TMEM106A: variants seen among roughly 807,000 people sequenced by gnomAD.
TMEM106A encodes the protein transmembrane protein 106A.
In TMEM106A, 22 loss-of-function variants were observed where a neutral mutation model predicts 25.1. The observed-to-expected ratio is 0.88, with a 90% CI of 0.63 to 1.25. The LOEUF (loss-of-function observed/expected upper bound fraction) is 1.25, where lower values mean the gene tolerates loss of function less well. Among genes scored for constraint, TMEM106A ranks in the 50% most tolerant of loss-of-function variants. The probability of loss-of-function intolerance (pLI) is 0.00; values close to 1 mark genes in which losing one functional copy is unlikely to be tolerated. For synonymous variants in TMEM106A, 104 were observed against 129.9 expected (o/e 0.80, Z 1.35); for missense variants, 275 against 318.1 (o/e 0.86, Z 1.03).
chr17:43,212,610 C>T (rs2057443623), intron 2 of TMEM106A, among the ~76,000 whole-genome samples: 1 of 152,180 alleles, frequency 6.6e-6, no homozygotes, highest in East Asian at 1.9e-4. Context: ...CTTAACCACA[C>T]CTGTGACCAG....
rs2057449437 is a variant in TMEM106A, at chr17:43,213,028, C to T, written c.-14C>T. On this transcript the variant is annotated 5_prime_UTR_variant, in exon 3 of 9. Coordinates refer to ENST00000612339, the MANE Select transcript of TMEM106A (RefSeq NM_145041.4). ...TTGGTCTTTTCTCATTAGTGAAACCCCCGCCCCTGAAGAATGGGTAAGACG... is the reference window on the plus strand; with the variant it reads ...TTGGTCTTTTCTCATTAGTGAAACCTCCGCCCCTGAAGAATGGGTAAGACG... 6.2e-7 allele frequency: 1 copy of T among 1,613,928 alleles called. No homozygotes were observed. Among genetic ancestry groups the T allele is most frequent in the South Asian group, 1.1e-5 (1 of 91,062 alleles).
chr17:43,216,094 C>A, intron 5 of TMEM106A, 153 bp downstream of exon 5: 1 of 927,378 alleles, frequency 1.1e-6, no homozygotes, highest in Non-Finnish European at 1.6e-6. Flanking sequence ...CAACCATGAG[C>A]TCCATGACAG....
intron 4 of TMEM106A, among the ~76,000 whole-genome samples, chr17:43,214,500 T>C (rs977902668): frequency 6.6e-6 from 1 of 152,234 alleles, no homozygotes; most frequent in Non-Finnish European, 1.5e-5. Flanking sequence ...AAACCTATTG[T>C]CCGCTGTTCT....
At chr17:43,215,473 C>T (rs2057476349) in intron 4 of TMEM106A, among the ~76,000 whole-genome samples, 1 of 152,016 alleles carries the variant, frequency 6.6e-6, no homozygotes, top group South Asian at 2.1e-4. Context: ...ATATATTAGC[C>T]GATAACAAAT....
Position 43,216,599 on chromosome 17 carries a change from C to T in TMEM106A, c.570+10C>T, listed in dbSNP as rs2057488663. ...TTTGGCCAGTGAACAGGTGACTCCC[C>T]TCTCCCTGGCCAGCCCTGCCCACTG... is the stretch of plus-strand genomic sequence containing the variant. On this transcript the variant is annotated intron_variant, in intron 6 of 8. Transcript: ENST00000612339. 4.3e-6 allele frequency: 7 copies of T among 1,614,158 alleles called. No individual in the cohort carries two copies. The highest frequency in any genetic ancestry group is 5.9e-6 in the Non-Finnish European group (7 of 1,179,980).
rs1234013909 is a variant in TMEM106A, at chr17:43,217,907, C to T, written c.*106C>T. ...TACAGAGGCTTTGCCAAAGGAGAAG[C>T]CCTGCCTCATCACACCCTTACCTCC... On this transcript the variant is annotated 3_prime_UTR_variant, in exon 9 of 9. Transcript: ENST00000612339. 1 of 1,540,624 alleles carries T rather than the reference C, an allele frequency of 6.5e-7. No individual in the cohort carries two copies. Among genetic ancestry groups the T allele is most frequent in the Non-Finnish European group, 8.8e-7 (1 of 1,136,874 alleles).
chr17:43,214,237 A>G (rs1024365808), intron 4 of TMEM106A, among the ~76,000 whole-genome samples: 3 of 151,682 alleles, frequency 2.0e-5, no homozygotes, highest in African/African-American at 7.3e-5. Flanking sequence ...GAAAGAAAGA[A>G]AAAAGCAGCA....
At chr17:43,217,646 C>A (rs1415564149) in intron 8 of TMEM106A, 35 bp from the exon 9 acceptor site, 1 of 1,613,126 alleles carries the variant, frequency 6.2e-7, no homozygotes, top group East Asian at 2.2e-5. Context: ...TCCTTTTCCT[C>A]CCAGCCATGG....
intron 4 of TMEM106A, among the ~76,000 whole-genome samples, chr17:43,214,780 C>T (rs909503967): frequency 2.0e-5 from 3 of 151,694 alleles, no homozygotes; most frequent in Non-Finnish European, 2.9e-5. Flanking sequence ...GCCAACATGG[C>T]GAAACCCTGT....
Position 43,215,961 on chromosome 17 carries a change from T to C in TMEM106A, c.429+20T>C, listed in dbSNP as rs1598032640. 7 of 1,613,446 alleles carry C rather than the reference T, an allele frequency of 4.3e-6. No individual in the cohort carries two copies. The East Asian group carries it at 1.6e-4, about 36-fold the overall frequency. On this transcript the variant is annotated intron_variant, in intron 5 of 8. Transcript: ENST00000612339. ...ATAACGGTGGGTGGGTGCCCTTGGC[T>C]CCAAACCCCCCTTCCTAGCAATACT...
chr17:43,217,179 T>G, intron 7 of TMEM106A, 80 bp from the exon 8 acceptor site: 1 of 1,444,282 alleles, frequency 6.9e-7, no homozygotes, highest in African/African-American at 1.4e-5. Flanking sequence ...GTAAGGAAAC[T>G]GGGACCTGCA....
Position 43,215,919 on chromosome 17 carries a change from C to A in TMEM106A, c.407C>A (p.Ala136Asp). ...TCCTCCACAGTGGCCTTTGATGAGG[C>A]TGATATCTACCTCAACATAACGGTG... ...LNSSTVAFDE[A>D]DIYLNITNIL... Residue 136 changes from alanine to aspartate, a missense_variant, in exon 5 of 9, where the codon GCT (alanine) becomes GAT (aspartate). Coordinates refer to ENST00000612339, the MANE Select transcript of TMEM106A (RefSeq NM_145041.4). 1.9e-6 allele frequency: 3 copies of A among 1,614,138 alleles called. No individual in the cohort carries two copies. Among genetic ancestry groups the A allele is most frequent in the East Asian group, 4.5e-5 (2 of 44,880 alleles).
intron 4 of TMEM106A, among the ~76,000 whole-genome samples, chr17:43,214,427 TC>T (rs2057466286): frequency 2.0e-5 from 3 of 152,306 alleles, no homozygotes; most frequent in Middle Eastern, 6.8e-3. Context: ...ATGTTATTTT[TC>T]TTAAGCACCT....
At chr17:43,215,144 G>A (rs1007532341) in intron 4 of TMEM106A, among the ~76,000 whole-genome samples, 1 of 152,032 alleles carries the variant, frequency 6.6e-6, no homozygotes, top group African/African-American at 2.4e-5. Flanking sequence ...TCAGGAGGCT[G>A]AGGCAGGAGA....
rs773007719 is a variant in TMEM106A, at chr17:43,216,740, A to G, written c.614A>G (p.Tyr205Cys). ...VATKIRDENT[Y>C]KICTWLEIKV... ...ACCAAGATACGGGATGAAAACACAT[A>G]GTGAGTACCCCTTGATCTCTTCTCC... Residue 205 changes from tyrosine to cysteine, a missense_variant and splice_region_variant, in exon 7 of 9, where the codon TAC becomes TGC. Coordinates refer to ENST00000612339, the MANE Select transcript of TMEM106A (RefSeq NM_145041.4). The G allele has an allele frequency of 6.2e-6, 10 of 1,614,076 alleles. No homozygotes were observed. In the East Asian group the frequency reaches 2.2e-4, roughly 36 times the overall value.
Position 43,217,265 on chromosome 17 carries a change from C to G in TMEM106A, c.621C>G (p.Ile207Met). 6.2e-7 allele frequency: 1 copy of G among 1,614,228 alleles called. No homozygotes were observed. Among genetic ancestry groups the G allele is most frequent in the Non-Finnish European group, 8.5e-7 (1 of 1,180,034 alleles). ...TKIRDENTYK[I>M]CTWLEIKVHH... Reference sequence around the variant, plus strand: ...CTCTTTTCTTCTCTCTCAGCAAAATCTGTACCTGGCTGGAAATCAAAGTCC... The same window carrying G: ...CTCTTTTCTTCTCTCTCAGCAAAATGTGTACCTGGCTGGAAATCAAAGTCC... Residue 207 changes from isoleucine to methionine, a missense_variant, in exon 8 of 9, where the codon ATC becomes ATG. Transcript: ENST00000612339.
At position 43,218,657 on chromosome 17, in the gene TMEM106A, T is replaced by G. The variant is rs1270932460; in HGVS notation, c.*856T>G. On this transcript the variant is annotated 3_prime_UTR_variant, in exon 9 of 9. Transcript: ENST00000612339. Reference sequence around the variant, plus strand: ...GCCTGGGCAAAAGAGCAAAACTTTGTCTCAAAAAAAGACTCTTTTCAAGTT... The same window carrying G: ...GCCTGGGCAAAAGAGCAAAACTTTGGCTCAAAAAAAGACTCTTTTCAAGTT... 2.0e-5 allele frequency: 3 copies of G among 152,156 alleles called. No individual in the cohort carries two copies. Among genetic ancestry groups the G allele is most frequent in the Non-Finnish European group, 4.4e-5 (3 of 68,014 alleles). 9.4% of individuals were successfully genotyped at this position (152,156 alleles called of 1,614,324 possible).
rs745702971 is a variant in TMEM106A, at chr17:43,213,256, A to AGTG, written c.211+6_211+8dup. ...GGCAGTGGCAAGATTCCCCAAGGTGAGTGGCCCAAGGCTCTGGAAATAGCC... is the reference window on the plus strand; with the variant it reads ...GGCAGTGGCAAGATTCCCCAAGGTGAGTGGTGGCCCAAGGCTCTGGAAATAGCC... On this transcript the variant is annotated splice_donor_region_variant and intron_variant, in intron 3 of 8. Coordinates refer to ENST00000612339, the MANE Select transcript of TMEM106A (RefSeq NM_145041.4). 1.9e-6 allele frequency: 3 copies of AGTG among 1,613,920 alleles called. No individual in the cohort carries two copies. In the African/African-American group the frequency reaches 4.0e-5, roughly 22 times the overall value.
chr17:43,213,450 G>A (rs996390422), intron 3 of TMEM106A, among the ~76,000 whole-genome samples, 198 bp downstream of exon 3: 9 of 152,194 alleles, frequency 5.9e-5, no homozygotes, highest in Admixed American at 5.2e-4. Context: ...TTCCCTGGTT[G>A]TATTCTCCAG....
Sources: allele counts gnomAD v4.1 joint callset (sites outside exome capture counted in the v4.1 genomes callset), GRCh38; gene constraint gnomAD v4.1.1; transcripts MANE v1.5; gene names NCBI Gene and HGNC (gene_info 2026-07-23, HGNC 2026-07-21).